Variants in PDCD11 observed in about 807,000 individuals in gnomAD.
PDCD11 encodes the protein programmed cell death 11.
A neutral mutation model predicts 198.9 loss-of-function variants in PDCD11; 97 were observed. The ratio of observed to expected loss-of-function variants is 0.49; its 90% CI spans 0.41 to 0.58. The LOEUF is 0.58. Among genes scored for constraint, PDCD11 ranks in the 20% least tolerant of loss-of-function variants. The probability of loss-of-function intolerance (pLI) is 0.00; values close to 1 mark genes in which losing one functional copy is unlikely to be tolerated. For synonymous variants in PDCD11, 893 were observed against 918.0 expected, an observed-to-expected ratio of 0.97 and a Z score of 0.49; for missense variants, 2,102 against 2,312.7, an observed-to-expected ratio of 0.91 and a Z score of 1.87.
chr10:103,417,744 C>G, intron 13 of PDCD11, 48 bp from the exon 14 acceptor site: 1 of 1,599,944 alleles, frequency 6.3e-7, no homozygotes, highest in South Asian at 1.1e-5. Context: ...GCAGGGCCTG[C>G]AAGGCTTGCT....
Position 103,434,274 on chromosome 10 carries a change from C to T in PDCD11, c.3591C>T (p.Phe1197=). The change falls in exon 24 of 36, where the codon TTC becomes TTT. Residue 1197 remains phenylalanine, a synonymous_variant. Transcript: ENST00000369797. ...TTCTGAAGCATCCAGATAAGAAGTT[C>T]CGGGTTGGCCAGGCCCTGAGGGCCA... ...FKVLKHPDKK[F]RVGQALRATV... The T allele has an allele frequency of 6.2e-7, 1 of 1,613,522 alleles. No homozygotes were observed. The highest frequency in any genetic ancestry group is 8.5e-7 in the Non-Finnish European group (1 of 1,179,414).
At chr10:103,423,464 T>G in intron 18 of PDCD11, 79 bp from the exon 19 acceptor site, 1 of 1,057,008 alleles carries the variant, frequency 9.5e-7, no homozygotes, top group Non-Finnish European at 1.5e-6. Flanking sequence ...ATCTAAGGGG[T>G]AGCAGCTACA....
chr10:103,412,555 C>T (rs1414361626), intron 8 of PDCD11, among the ~76,000 whole-genome samples: 8 of 151,706 alleles, frequency 5.3e-5, no homozygotes, highest in Non-Finnish European at 1.5e-5. Context: ...CTCCTGACCT[C>T]GTGATCTGCC....
At chr10:103,441,456 T>C (rs1039846648) in intron 30 of PDCD11, among the ~76,000 whole-genome samples, 1 of 152,132 alleles carries the variant, frequency 6.6e-6, no homozygotes, top group Non-Finnish European at 1.5e-5. Flanking sequence ...GGTTTCGCCA[T>C]GTTGGCCGGG....
intron 19 of PDCD11, 51 bp from the exon 20 acceptor site, chr10:103,424,933 G>A (rs2031615843): frequency 6.3e-7 from 1 of 1,588,912 alleles, no homozygotes; most frequent in African/African-American, 1.3e-5. Flanking sequence ...CCATGAGTGA[G>A]TGACCATGCT....
intron 16 of PDCD11, among the ~76,000 whole-genome samples, chr10:103,420,757 G>A (rs112304628): frequency 0.017 from 2,603 of 152,284 alleles, 58 homozygotes; most frequent in African/African-American, 0.055. Context: ...GAGGGTTCCC[G>A]TGGGTTGTTA....
chr10:103,416,691 G>A lies in PDCD11; in HGVS notation c.1719G>A (p.Glu573=), dbSNP rs1592123621. The A allele has an allele frequency of 1.9e-6, 3 of 1,614,224 alleles. No individual in the cohort carries two copies. In the East Asian group the frequency reaches 6.7e-5, roughly 36 times the overall value. Residue 573 remains glutamate, a synonymous_variant, in exon 13 of 36, where the codon GAG becomes GAA. Transcript: ENST00000369797. ...TGCAGGGACTGGTGCCCAAGCATGA[G>A]CTCAGTACTGAGTATATCCCTGACC... ...NNVQGLVPKH[E]LSTEYIPDPE...
At chr10:103,421,929 TGCAGCCC>T (rs1225621950) in intron 17 of PDCD11, among the ~76,000 whole-genome samples, 1 of 131,876 alleles carries the variant, frequency 7.6e-6, no homozygotes, top group African/African-American at 3.0e-5. Context: ...ATTGCGTCAC[TGCAGCCC>T]GCAGTCCGGC....
chr10:103,435,791 G>A (rs1055169007), intron 25 of PDCD11, among the ~76,000 whole-genome samples: 1 of 152,200 alleles, frequency 6.6e-6, no homozygotes, highest in East Asian at 1.9e-4. Flanking sequence ...GGGATTACAG[G>A]CATGAGCCAC....
chr10:103,401,449 T>G (rs2030046433), intron 3 of PDCD11, among the ~76,000 whole-genome samples: 1 of 151,920 alleles, frequency 6.6e-6, no homozygotes, highest in Admixed American at 6.6e-5. Flanking sequence ...TTTTGTATTT[T>G]TAATAGAGAC....
chr10:103,408,533 T>G (rs1322397750), intron 7 of PDCD11, among the ~76,000 whole-genome samples: 1 of 151,988 alleles, frequency 6.6e-6, no homozygotes. Flanking sequence ...TTTAAAATTT[T>G]TATAATTATT....
At chr10:103,410,207 C>T (rs944594003) in intron 8 of PDCD11, among the ~76,000 whole-genome samples, 1 of 150,944 alleles carries the variant, frequency 6.6e-6, no homozygotes, top group Admixed American at 6.6e-5. Context: ...TGCACTCCAG[C>T]CTAGACAACA....
intron 2 of PDCD11, chr10:103,399,517 G>C (rs2133666339): frequency 6.6e-6 from 1 of 152,204 alleles, no homozygotes; most frequent in East Asian, 1.9e-4. Context: ...ACTGATCATT[G>C]CATTTTTACA....
chr10:103,414,178 T>C, intron 10 of PDCD11, 88 bp downstream of exon 10: 2 of 1,579,740 alleles, frequency 1.3e-6, no homozygotes, highest in Middle Eastern at 3.4e-4. Flanking sequence ...TTGGGAAGGG[T>C]TTTCTTTCTT....
rs985472252 is a variant in PDCD11 at position 103,432,055 on chromosome 10, T to C, written c.3369-74T>C. The C allele has an allele frequency of 3.7e-5, 42 of 1,147,530 alleles. No individual in the cohort carries two copies. In the African/African-American group the frequency reaches 5.9e-4, roughly 16 times the overall value. The allele number at this position is 1,147,530 out of a possible 1,614,324, so 71.1% of individuals were successfully genotyped here. On this transcript the variant is annotated intron_variant, in intron 21 of 35. Coordinates refer to ENST00000369797, the MANE Select transcript of PDCD11 (RefSeq NM_014976.2). The stretch of plus-strand genomic sequence containing the variant: ...CCCGTACAGTCAATCCGTGGCCACT[T>C]GGGAGAGATGGTTTCAAACTGGAAG...
chr10:103,440,344 G>A lies in PDCD11; in HGVS notation c.4203G>A (p.Gly1401=). 6.2e-7 allele frequency: 1 copy of A among 1,614,226 alleles called. No homozygotes were observed. The highest frequency in any genetic ancestry group is 8.5e-7 in the Non-Finnish European group (1 of 1,180,052). Residue 1401 remains glycine, a synonymous_variant, in exon 29 of 36, where the codon GGG becomes GGA. Transcript: ENST00000369797. The part of the protein sequence containing the change: ...VELSFLPGDT[G]KPDVLSASLE... ...TGTCTTTCCTCCCCGGAGACACTGGGAAGCCAGACGTGCTTTCTGCTTCCT... is the reference window on the plus strand; with the variant it reads ...TGTCTTTCCTCCCCGGAGACACTGGAAAGCCAGACGTGCTTTCTGCTTCCT...
chr10:103,406,590 C>T lies in PDCD11; in HGVS notation c.689-19C>T. ...CATAGATACATTTTTCCTTTTGGGGCCTGGGTCTGGGCTTACAGGTGCTAA... is the reference window on the plus strand; with the variant it reads ...CATAGATACATTTTTCCTTTTGGGGTCTGGGTCTGGGCTTACAGGTGCTAA... On this transcript the variant is annotated intron_variant, in intron 6 of 35. Coordinates refer to ENST00000369797, the MANE Select transcript of PDCD11 (RefSeq NM_014976.2). The T allele has an allele frequency of 6.2e-7, 1 of 1,604,524 alleles. No homozygotes were observed. The highest frequency in any genetic ancestry group is 8.5e-7 in the Non-Finnish European group (1 of 1,175,698).
chr10:103,400,257 G>T, intron 2 of PDCD11, 140 bp from the exon 3 acceptor site: 1 of 210,256 alleles, frequency 4.8e-6, no homozygotes, highest in Non-Finnish European at 9.2e-6. Context: ...AAGAATTAAA[G>T]GAACAATTGG....
chr10:103,436,757 T>C (rs1003077506), intron 25 of PDCD11, among the ~76,000 whole-genome samples: 1 of 152,198 alleles, frequency 6.6e-6, no homozygotes, highest in Admixed American at 6.5e-5. Context: ...GACGGTCCCT[T>C]GAGGTTCTGT....
Sources: allele counts gnomAD v4.1 joint callset (sites outside exome capture counted in the v4.1 genomes callset), GRCh38; gene constraint gnomAD v4.1.1; transcripts MANE v1.5; gene names NCBI Gene and HGNC (gene_info 2026-07-23, HGNC 2026-07-21).